The following ATP8A2 variants were observed in gnomAD, a reference collection of about 807,000 sequenced individuals.
ATP8A2 encodes ATPase phospholipid transporting 8A2, also known as phospholipid-transporting ATPase IB.
ATP8A2 carries 100 observed loss-of-function variants against 165.6 expected under a neutral mutation model. That is an observed-to-expected ratio of 0.60 (90% CI 0.51 to 0.71). ATP8A2 has a LOEUF of 0.71. Among genes scored for constraint, ATP8A2 ranks in the 30% least tolerant of loss-of-function variants. The probability of loss-of-function intolerance (pLI) is 0.00; values close to 1 mark genes in which losing one functional copy is unlikely to be tolerated. For synonymous variants in ATP8A2, 543 were observed against 548.8 expected (o/e 0.99, Z 0.15); for missense variants, 1,227 against 1,479.5 (o/e 0.83, Z 2.80).
At chr13:25,814,943 G>A (rs1218416449) in intron 27 of ATP8A2, among the ~76,000 whole-genome samples, 1 of 151,976 alleles carries the variant, frequency 6.6e-6, no homozygotes, top group Non-Finnish European at 1.5e-5. Context: ...GAGGTGGGAG[G>A]ATCACCTGAG....
At chr13:25,610,130 C>A (rs1283599233) in intron 24 of ATP8A2, among the ~76,000 whole-genome samples, 1 of 151,892 alleles carries the variant, frequency 6.6e-6, no homozygotes, top group Non-Finnish European at 1.5e-5. Flanking sequence ...TAAATCCCAT[C>A]TATTTATCTT....
At chr13:25,936,026 G>A (rs79519017) in intron 33 of ATP8A2, among the ~76,000 whole-genome samples, 44 of 152,274 alleles carry the variant, frequency 2.9e-4, no homozygotes, top group African/African-American at 1.0e-3. Flanking sequence ...GTCAAAAGAT[G>A]GGAAAGTAGG....
At chr13:25,426,798 T>G (rs1007164470) in intron 1 of ATP8A2, among the ~76,000 whole-genome samples, 1 of 151,810 alleles carries the variant, frequency 6.6e-6, no homozygotes, top group African/African-American at 2.4e-5. Flanking sequence ...TAAAAAAAAT[T>G]AGCTGGGCAC....
intron 1 of ATP8A2, among the ~76,000 whole-genome samples, chr13:25,404,677 G>A (rs1057035725): frequency 4.6e-5 from 7 of 152,140 alleles, no homozygotes; most frequent in African/African-American, 7.2e-5. Context: ...GGTGCAGAAC[G>A]CGGGAGGAAG....
chr13:25,471,881 T>C (rs2035854936), intron 2 of ATP8A2, among the ~76,000 whole-genome samples: 1 of 152,212 alleles, frequency 6.6e-6, no homozygotes, highest in Non-Finnish European at 1.5e-5. Context: ...TTTATGTAAG[T>C]ATATAATTGA....
intron 27 of ATP8A2, among the ~76,000 whole-genome samples, chr13:25,795,699 A>T (rs1343868317): frequency 6.6e-6 from 1 of 152,222 alleles, no homozygotes; most frequent in Non-Finnish European, 1.5e-5. Context: ...AAGCATCCTA[A>T]CATCTACTAG....
At chr13:25,884,927 C>A (rs1953097281) in intron 33 of ATP8A2, among the ~76,000 whole-genome samples, 1 of 152,198 alleles carries the variant, frequency 6.6e-6, no homozygotes, top group South Asian at 2.1e-4. Context: ...GTTGACTCTG[C>A]AGGGAACACA....
intron 2 of ATP8A2, among the ~76,000 whole-genome samples, chr13:25,516,265 C>T (rs556615174): frequency 3.9e-5 from 6 of 152,184 alleles, no homozygotes; most frequent in Non-Finnish European, 8.8e-5. Context: ...GTATGTCCTC[C>T]CCGAGAACCA....
At chr13:25,912,013 T>C (rs1954121597) in intron 33 of ATP8A2, among the ~76,000 whole-genome samples, 1 of 152,222 alleles carries the variant, frequency 6.6e-6, no homozygotes, top group Non-Finnish European at 1.5e-5. Context: ...ATCCCACTTC[T>C]GGGCATTTAC....
intron 36 of ATP8A2, 62 bp from the exon 37 acceptor site, chr13:26,019,826 A>C: frequency 1.6e-6 from 2 of 1,235,380 alleles, no homozygotes; most frequent in Non-Finnish European, 2.4e-6. Context: ...AGCTTATTTT[A>C]AACCTAGTGT....
At chr13:25,982,434 C>G (rs1956189484) in intron 35 of ATP8A2, among the ~76,000 whole-genome samples, 1 of 152,210 alleles carries the variant, frequency 6.6e-6, no homozygotes. Flanking sequence ...CACAAGCTTG[C>G]TGCCATGTTG....
intron 1 of ATP8A2, among the ~76,000 whole-genome samples, chr13:25,414,134 G>T (rs183346398): frequency 2.0e-5 from 3 of 150,752 alleles, no homozygotes; most frequent in Admixed American, 2.0e-4. Context: ...CTAGAACTGT[G>T]ATTACAACCT....
intron 33 of ATP8A2, among the ~76,000 whole-genome samples, chr13:25,937,768 G>A (rs1005425401): frequency 1.1e-4 from 16 of 146,720 alleles, no homozygotes; most frequent in Non-Finnish European, 2.2e-4. Context: ...AGAATGGCAT[G>A]AACCCGGGAG....
At chr13:25,853,396 A>AAATAT (rs1555278504) in intron 30 of ATP8A2, among the ~76,000 whole-genome samples, 3 of 107,868 alleles carry the variant, frequency 2.8e-5, no homozygotes, top group Non-Finnish European at 3.9e-5. Context: ...ATCTAAAAAA[A>AAATAT]ATATATATAT....
At chr13:25,451,228 A>G (rs2035215739) in intron 1 of ATP8A2, among the ~76,000 whole-genome samples, 1 of 152,070 alleles carries the variant, frequency 6.6e-6, no homozygotes, top group Admixed American at 6.5e-5. Context: ...ATCTGCTATT[A>G]ATCCCACATA....
intron 2 of ATP8A2, among the ~76,000 whole-genome samples, chr13:25,513,999 G>GGAGGGAGAGGGA (rs574157605): frequency 0.027 from 3,591 of 134,352 alleles, 84 homozygotes; most frequent in African/African-American, 0.041. Flanking sequence ...AGGGGGAGGG[G>GGAGGGAGAGGGA]GAGGGAGAGG....
intron 25 of ATP8A2, among the ~76,000 whole-genome samples, chr13:25,714,896 A>G (rs1358097818): frequency 6.6e-6 from 1 of 152,208 alleles, no homozygotes; most frequent in Non-Finnish European, 1.5e-5. Flanking sequence ...TCTTGGAGGA[A>G]CCAAGGAGCC....
chr13:25,675,751 G>A (rs1280502918), intron 24 of ATP8A2, among the ~76,000 whole-genome samples: 2 of 152,084 alleles, frequency 1.3e-5, no homozygotes, highest in African/African-American at 4.8e-5. Flanking sequence ...GGGTTGTGCC[G>A]GTGTTCATGG....
chr13:25,662,475 TA>T (rs1413848834), intron 24 of ATP8A2, among the ~76,000 whole-genome samples: 7 of 152,334 alleles, frequency 4.6e-5, no homozygotes, highest in South Asian at 2.1e-4. Context: ...ACCTAGCGAA[TA>T]TTTTTTTTCT....
Sources: allele counts gnomAD v4.1 joint callset (sites outside exome capture counted in the v4.1 genomes callset), GRCh38; gene constraint gnomAD v4.1.1; transcripts MANE v1.5; gene names NCBI Gene and HGNC (gene_info 2026-07-23, HGNC 2026-07-21).